The following SHANK2 variants were observed in gnomAD, a reference collection of about 807,000 sequenced individuals.
SHANK2 encodes SH3 and multiple ankyrin repeat domains 2, also known as SH3 and multiple ankyrin repeat domains protein 2.
SHANK2 carries 43 observed loss-of-function variants against 133.7 expected under a neutral mutation model. The observed-to-expected ratio is 0.32, with a 90% CI of 0.25 to 0.41. SHANK2 has a LOEUF of 0.41. Among genes scored for constraint, SHANK2 ranks in the 10% least tolerant of loss-of-function variants. The probability of loss-of-function intolerance (pLI) is 1.00; values close to 1 mark genes in which losing one functional copy is unlikely to be tolerated. For synonymous variants in SHANK2, 1,017 were observed against 952.8 expected, an observed-to-expected ratio of 1.07 and a Z score of -1.24; for missense variants, 1,994 against 2,235.8, an observed-to-expected ratio of 0.89 and a Z score of 2.18.
intron 1 of SHANK2, among the ~76,000 whole-genome samples, chr11:71,251,898 T>C (rs1435972405): frequency 6.6e-6 from 1 of 151,768 alleles, no homozygotes; most frequent in East Asian, 2.0e-4. Flanking sequence ...TCGGGGGACC[T>C]GGCGGCCACG....
chr11:70,779,439 A>G (rs1273910576), intron 14 of SHANK2, among the ~76,000 whole-genome samples: 1 of 152,196 alleles, frequency 6.6e-6, no homozygotes, highest in East Asian at 1.9e-4. Flanking sequence ...AATTGTGCTA[A>G]TAGAGTCATT....
intron 17 of SHANK2, among the ~76,000 whole-genome samples, chr11:70,638,578 C>T (rs1349556661): frequency 2.0e-5 from 3 of 152,220 alleles, no homozygotes; most frequent in Non-Finnish European, 4.4e-5. Flanking sequence ...ACCGGAAAAT[C>T]CGCGGTGGCC....
Position 70,809,822 on chromosome 11 carries a change from G to T in SHANK2, c.1494-2651C>A, listed in dbSNP as rs76079118. 4.0e-3 allele frequency among the ~76,000 whole-genome samples: 612 copies of T among 152,328 alleles called. 10 individuals are homozygous for T. The East Asian group carries it at 0.041, about 10-fold the overall frequency. On this transcript the variant is annotated intron_variant, in intron 12 of 25. Transcript: ENST00000601538. ...TACCTGGGCTCTGAGGACATTGAGA[G>T]ATGGGGGAGGCTGCAAGCAGCTAGG...
At chr11:70,655,287 C>T (rs2061393224) in intron 17 of SHANK2, among the ~76,000 whole-genome samples, 3 of 152,152 alleles carry the variant, frequency 2.0e-5, no homozygotes, top group African/African-American at 2.4e-5. Flanking sequence ...TTCTTTTTAC[C>T]TTTTGCCCAT....
intron 20 of SHANK2, 41 bp downstream of exon 20, chr11:70,501,882 A>T (rs1555158587): frequency 1.3e-6 from 2 of 1,555,208 alleles, no homozygotes; most frequent in Admixed American, 3.9e-5. Flanking sequence ...TGCCCTAGAC[A>T]GCAGGGGGAG....
chr11:71,213,825 AC>A (rs1297492928), intron 2 of SHANK2, among the ~76,000 whole-genome samples: 1 of 152,114 alleles, frequency 6.6e-6, no homozygotes, highest in Non-Finnish European at 1.5e-5. Flanking sequence ...CTGTCTTAGG[AC>A]GTTTTGACAT....
intron 9 of SHANK2, among the ~76,000 whole-genome samples, chr11:71,058,670 C>A (rs1397866345): frequency 2.0e-5 from 3 of 152,232 alleles, no homozygotes; most frequent in African/African-American, 4.8e-5. Flanking sequence ...CTGTACTGGG[C>A]AGATCCTGGG....
At chr11:70,496,796 AGTTT>A (rs1323703855) in intron 21 of SHANK2, among the ~76,000 whole-genome samples, 16 of 151,400 alleles carry the variant, frequency 1.1e-4, no homozygotes, top group African/African-American at 3.6e-4. Context: ...GGCTGCAGAA[AGTTT>A]GTTTGGAAAT....
chr11:70,673,856 A>T (rs1279607428), intron 15 of SHANK2, among the ~76,000 whole-genome samples: 4 of 152,200 alleles, frequency 2.6e-5, no homozygotes, highest in Non-Finnish European at 5.9e-5. Flanking sequence ...TCATTAAGAG[A>T]CTGGTGTCAC....
Position 70,471,259 on chromosome 11 carries a change from A to C in SHANK2, c.*1610T>G. 2.5e-6 allele frequency: 1 copy of C among 398,774 alleles called. No homozygotes were observed. The highest frequency in any genetic ancestry group is 4.4e-6 in the Non-Finnish European group (1 of 226,008). 24.7% of individuals were successfully genotyped at this position (398,774 alleles called of 1,614,324 possible). On this transcript the variant is annotated 3_prime_UTR_variant, in exon 26 of 26. Coordinates refer to ENST00000601538, the MANE Select transcript of SHANK2 (RefSeq NM_012309.5). This position sits in a 1 kb window ranked among gnomAD's most constrained non-coding sequence, Gnocchi z 4.1. The stretch of plus-strand genomic sequence containing the variant: ...AGCTGTTCCAGACCTAATCAAGAAA[A>C]AAAGGAAAAAAAAAAAACAAAACCA...
intron 18 of SHANK2, 49 bp downstream of exon 18, chr11:70,502,747 C>CG (rs58352428): frequency 0.21 from 186,185 of 907,166 alleles, 30,239 homozygotes; most frequent in Admixed American, 0.3. Flanking sequence ...CCCCACCCCC[C>CG]CCCCCCAGTA....
intron 14 of SHANK2, among the ~76,000 whole-genome samples, chr11:70,786,006 G>A (rs1419111194): frequency 4.3e-4 from 66 of 152,146 alleles, no homozygotes. Flanking sequence ...ATGGGCCCGG[G>A]ACCAGACCTC....
chr11:70,840,707 G>A (rs1254607444), intron 11 of SHANK2, among the ~76,000 whole-genome samples: 1 of 152,186 alleles, frequency 6.6e-6, no homozygotes, highest in Non-Finnish European at 1.5e-5. Context: ...CCAGGAAGTG[G>A]GAGCCTGGGG....
chr11:70,740,191 CACACAGCAGGTGCTCACTGG>C (rs1302734977), intron 14 of SHANK2, among the ~76,000 whole-genome samples: 2 of 152,018 alleles, frequency 1.3e-5, no homozygotes, highest in Non-Finnish European at 2.9e-5. Flanking sequence ...CAGTGCCTGC[CACACAGCAGGTGCTCACTGG>C]ACACAGGAGG....
At chr11:70,747,091 C>T (rs1555036371) in intron 14 of SHANK2, among the ~76,000 whole-genome samples, 1 of 150,980 alleles carries the variant, frequency 6.6e-6, no homozygotes, top group Non-Finnish European at 1.5e-5. Flanking sequence ...CATCCATGGT[C>T]CCCACGAGTG....
rs2135725325 is a variant in SHANK2, at chr11:70,485,481, C to T, written c.4812G>A (p.Leu1604=). The T allele has an allele frequency of 6.2e-7, 1 of 1,613,872 alleles. No individual in the cohort carries two copies. Among genetic ancestry groups the T allele is most frequent in the East Asian group, 2.2e-5 (1 of 44,878 alleles). ...AKVLQPRTSK[L]WGDVTEIKSP... ...TTTTGATCTCTGTGACGTCGCCCCA[C>T]AACTTGGAGGTCCTTGGCTGGAGAA... The change falls in exon 25 of 26, where the codon TTG becomes TTA. Residue 1604 remains leucine, a synonymous_variant. Transcript: ENST00000601538. This position sits in a 1 kb window ranked among gnomAD's most constrained non-coding sequence, Gnocchi z 5.8.
intron 11 of SHANK2, among the ~76,000 whole-genome samples, chr11:70,852,726 C>T (rs1555065906): frequency 6.6e-6 from 1 of 152,194 alleles, no homozygotes; most frequent in Non-Finnish European, 1.5e-5. Flanking sequence ...GCCTGTAGTC[C>T]CAGCTACTTG....
At chr11:71,067,840 C>T (rs1723353304) in intron 9 of SHANK2, among the ~76,000 whole-genome samples, 1 of 136,896 alleles carries the variant, frequency 7.3e-6, no homozygotes, top group African/African-American at 2.6e-5. Context: ...CACCATCGCT[C>T]ACCAACAATA....
chr11:70,498,359 G>A (rs782798331), intron 21 of SHANK2, among the ~76,000 whole-genome samples: 45 of 152,222 alleles, frequency 3.0e-4, no homozygotes, highest in Non-Finnish European at 5.0e-4. Flanking sequence ...CTTCCAAAGC[G>A]GCAGTGCAGG....
Sources: gnomAD v4.1 joint callset for allele counts (sites outside exome capture counted in the v4.1 genomes callset) on GRCh38, gnomAD v4.1.1 for gene constraint, Gnocchi (gnomAD v3.1) non-coding constraint, MANE v1.5 for transcripts, NCBI Gene and HGNC (gene_info 2026-07-23, HGNC 2026-07-21) for gene names.